Variants in ST7 observed in about 807,000 individuals in gnomAD.
ST7 encodes the protein suppressor of tumorigenicity 7 protein.
In ST7, 28 loss-of-function variants were observed where a neutral mutation model predicts 78.7. The observed-to-expected ratio is 0.36, with a 90% CI of 0.26 to 0.49. ST7 has a LOEUF of 0.49. Among genes scored for constraint, ST7 ranks in the 20% least tolerant of loss-of-function variants. The pLI, the probability that ST7 is intolerant of heterozygous loss-of-function variation, is 0.99. For missense variants in ST7, 418 were observed against 696.0 expected (o/e 0.60, Z 4.49); for synonymous variants, 247 against 249.6 (o/e 0.99, Z 0.10).
intron 12 of ST7, chr7:117,198,518 A>T (rs1179439228): frequency 3.3e-6 from 1 of 299,484 alleles, no homozygotes; most frequent in Non-Finnish European, 6.6e-6. Context: ...GTCTTCAGGG[A>T]TTCTGCAGCT....
chr7:117,085,796 TAAAAG>T (rs1359850071), intron 1 of ST7, among the ~76,000 whole-genome samples: 1 of 152,022 alleles, frequency 6.6e-6, no homozygotes, highest in Non-Finnish European at 1.5e-5. Flanking sequence ...GAAAGGAAAT[TAAAAG>T]AAAAGGGAAG....
At chr7:117,070,004 T>C (rs1798843631) in intron 1 of ST7, among the ~76,000 whole-genome samples, 1 of 152,232 alleles carries the variant, frequency 6.6e-6, no homozygotes, top group South Asian at 2.1e-4. Context: ...CCAAATGAAA[T>C]TGATGCTCTA....
Position 117,189,301 on chromosome 7 carries a change from A to G in ST7, c.1079-20A>G, listed in dbSNP as rs766248653. The stretch of plus-strand genomic sequence containing the variant: ...GTTACCTGCAAACTTATGTGTTCCT[A>G]CTTTCTTTTTCTCCAACAGATATAA... On this transcript the variant is annotated intron_variant, in intron 10 of 15. Transcript: ENST00000323984. 4 of 1,588,376 alleles carry G rather than the reference A, an allele frequency of 2.5e-6. No homozygotes were observed. The highest frequency in any genetic ancestry group is 1.7e-4 in the Middle Eastern group (1 of 5,980).
At chr7:117,092,278 CAAAAAAAAAAAA>C (rs747378081) in intron 1 of ST7, among the ~76,000 whole-genome samples, 5 of 30,300 alleles carry the variant, frequency 1.7e-4, no homozygotes, top group South Asian at 1.8e-3. Context: ...GACTCCGTCT[CAAAAAAAAAAAA>C]AAAAAAAAAA....
At chr7:117,144,204 A>C (rs1035747618) in intron 9 of ST7, 1 of 152,200 alleles carries the variant, frequency 6.6e-6, no homozygotes, top group African/African-American at 2.4e-5. Context: ...CTGGAGGCTA[A>C]TATCTGCTTC....
At chr7:117,150,991 T>C (rs1275980617) in intron 9 of ST7, among the ~76,000 whole-genome samples, 1 of 152,222 alleles carries the variant, frequency 6.6e-6, no homozygotes, top group Admixed American at 6.5e-5. Context: ...CAAGTCCTCA[T>C]TGGCTTTACT....
At chr7:117,140,828 C>G (rs887379066) in intron 9 of ST7, among the ~76,000 whole-genome samples, 2 of 152,158 alleles carry the variant, frequency 1.3e-5, no homozygotes, top group African/African-American at 2.4e-5. Flanking sequence ...GGAACACTCT[C>G]AGACATGGTA....
At position 117,226,981 on chromosome 7, in the gene ST7, TG is replaced by T. The variant is rs552497930; in HGVS notation, c.1639-2777del. On this transcript the variant is annotated intron_variant, in intron 15 of 15. Coordinates refer to ENST00000323984, the MANE Select transcript of ST7 (RefSeq NM_001369598.1). ...GACCACAGTACTTTGCTGTGCAGCATGGGGAAAAGGGAGCATTTATGGACAT... is the reference window on the plus strand; with the variant it reads ...GACCACAGTACTTTGCTGTGCAGCATGGGAAAAGGGAGCATTTATGGACAT... Among the ~76,000 whole-genome samples, 155 of 152,324 alleles carry T rather than the reference TG, an allele frequency of 1.0e-3. 5 individuals are homozygous for T. The South Asian group carries it at 0.018, about 18-fold the overall frequency.
intron 1 of ST7, among the ~76,000 whole-genome samples, chr7:117,092,238 C>T (rs1028485421): frequency 1.5e-5 from 2 of 131,268 alleles, no homozygotes; most frequent in East Asian, 4.5e-4. Flanking sequence ...AAGATCACGC[C>T]ACTGCACTCC....
At chr7:117,026,929 G>C (rs1164601169) in intron 1 of ST7, among the ~76,000 whole-genome samples, 1 of 152,228 alleles carries the variant, frequency 6.6e-6, no homozygotes, top group African/African-American at 2.4e-5. Context: ...GGAGGAGACT[G>C]TATGAAACTA....
At chr7:117,017,110 T>C (rs1245610640) in intron 1 of ST7, among the ~76,000 whole-genome samples, 2 of 152,216 alleles carry the variant, frequency 1.3e-5, no homozygotes, top group Non-Finnish European at 2.9e-5. Flanking sequence ...TCAGGTCTTG[T>C]TGAAATGTCA....
intron 12 of ST7, among the ~76,000 whole-genome samples, chr7:117,206,781 C>T (rs2115982669): frequency 6.6e-6 from 1 of 152,186 alleles, no homozygotes; most frequent in South Asian, 2.1e-4. Context: ...GTCATGAACA[C>T]CTTTGAAATT....
At position 116,972,871 on chromosome 7, in the gene ST7, A is replaced by G. The variant is rs1464929799; in HGVS notation, c.151+19180A>G. Reference sequence around the variant, plus strand: ...ATCTGCCTGCTGCTGCAGAACCTGGATATTGCCCTTAACCGCCTCGATGGT... The same window carrying G: ...ATCTGCCTGCTGCTGCAGAACCTGGGTATTGCCCTTAACCGCCTCGATGGT... On this transcript the variant is annotated intron_variant, in intron 1 of 15. Coordinates refer to ENST00000323984, the MANE Select transcript of ST7 (RefSeq NM_001369598.1). 2.3e-6 allele frequency: 3 copies of G among 1,285,780 alleles called. No individual in the cohort carries two copies. In the East Asian group the frequency reaches 6.9e-5, roughly 30 times the overall value. 79.6% of individuals were successfully genotyped at this position (1,285,780 alleles called of 1,614,324 possible).
intron 2 of ST7, among the ~76,000 whole-genome samples, chr7:117,107,553 C>T (rs1400094734): frequency 3.5e-5 from 5 of 142,908 alleles, no homozygotes; most frequent in East Asian, 2.0e-4. Flanking sequence ...ATTGGCCATT[C>T]GTATATCTTC....
intron 3 of ST7, among the ~76,000 whole-genome samples, chr7:117,123,370 C>G (rs1354444610): frequency 6.6e-6 from 1 of 152,068 alleles, no homozygotes; most frequent in African/African-American, 2.4e-5. Context: ...TGGTTACAGG[C>G]AGATTGTGCA....
chr7:117,030,380 T>G (rs1584482488), intron 1 of ST7, among the ~76,000 whole-genome samples: 1 of 152,342 alleles, frequency 6.6e-6, no homozygotes, highest in Non-Finnish European at 1.5e-5. Flanking sequence ...TTATTTGCAC[T>G]TGTAAAAATC....
intron 1 of ST7, among the ~76,000 whole-genome samples, chr7:117,093,718 AAC>A (rs1563075658): frequency 6.6e-6 from 1 of 152,112 alleles, no homozygotes; most frequent in African/African-American, 2.4e-5. Context: ...CAACAACAAC[AAC>A]AAAAAAAATC....
intron 1 of ST7, among the ~76,000 whole-genome samples, chr7:117,032,999 T>C (rs938961902): frequency 6.6e-6 from 1 of 152,242 alleles, no homozygotes; most frequent in African/African-American, 2.4e-5. Flanking sequence ...TTTACTATGT[T>C]GCTTTGGGCA....
At chr7:117,015,730 A>G (rs556595824) in intron 1 of ST7, among the ~76,000 whole-genome samples, 1 of 152,288 alleles carries the variant, frequency 6.6e-6, no homozygotes, top group South Asian at 2.1e-4. Flanking sequence ...AGGTAGGGAC[A>G]TGAGTCTTTG....
Sources: allele counts gnomAD v4.1 joint callset (sites outside exome capture counted in the v4.1 genomes callset), GRCh38; gene constraint gnomAD v4.1.1; transcripts MANE v1.5; gene names NCBI Gene and HGNC (gene_info 2026-07-23, HGNC 2026-07-21).